Variants in SNX25 observed in about 807,000 individuals in gnomAD.
SNX25 encodes the protein sorting nexin 25.
SNX25 carries 62 observed loss-of-function variants against 113.7 expected under a neutral mutation model. That is an observed-to-expected ratio of 0.55 (90% confidence interval 0.44 to 0.67). The LOEUF (loss-of-function observed/expected upper bound fraction) is 0.67, where lower values mean the gene tolerates loss of function less well. Among genes scored for constraint, SNX25 ranks in the 30% least tolerant of loss-of-function variants. The probability of loss-of-function intolerance (pLI) is 0.00; values close to 1 mark genes in which losing one functional copy is unlikely to be tolerated. For missense variants in SNX25, 1,014 were observed against 1,161.0 expected (o/e 0.87, Z 1.84); for synonymous variants, 421 against 436.2 (o/e 0.97, Z 0.43).
At chr4:185,241,468 AAGAG>A (rs923183346) in intron 1 of SNX25, among the ~76,000 whole-genome samples, 1 of 115,900 alleles carries the variant, frequency 8.6e-6, no homozygotes, top group African/African-American at 2.8e-5. Flanking sequence ...AGACCGTGGA[AAGAG>A]AGGGAGAGGG....
intron 5 of SNX25, among the ~76,000 whole-genome samples, chr4:185,275,256 A>G (rs547309744): frequency 6.6e-6 from 1 of 152,322 alleles, no homozygotes; most frequent in Non-Finnish European, 1.5e-5. Context: ...CAACATGGAG[A>G]ATCTGAAAAT....
intron 3 of SNX25, among the ~76,000 whole-genome samples, chr4:185,259,636 G>GTT (rs1746958422): frequency 1.3e-5 from 2 of 152,126 alleles, no homozygotes; most frequent in Non-Finnish European, 2.9e-5. Context: ...TTTGACTAGA[G>GTT]AAATTTCATT....
In SNX25 at chr4:185,332,633, T is replaced by G. The variant is rs1366827238; in HGVS notation, c.1788T>G (p.Asp596Glu). The change falls in exon 10 of 19, where the codon GAT (aspartate) becomes GAG (glutamate). Residue 596 changes from aspartate to glutamate, a missense_variant. Coordinates refer to ENST00000652585, the MANE Select transcript of SNX25 (RefSeq NM_001378034.2). ...RDEAGEEAVD[D>E]GTNQINEQAS... ...AGGCTGGTGAGGAAGCCGTGGATGA[T>G]GGTACCAATCAGATCAATGAACAAG... 1 of 1,613,650 alleles carries G rather than the reference T, an allele frequency of 6.2e-7. No homozygotes were observed. Among genetic ancestry groups the G allele is most frequent in the African/African-American group, 1.3e-5 (1 of 74,928 alleles).
intron 7 of SNX25, among the ~76,000 whole-genome samples, chr4:185,316,155 A>G (rs2095072553): frequency 6.6e-6 from 1 of 152,226 alleles, no homozygotes; most frequent in Non-Finnish European, 1.5e-5. Context: ...TTATGTAACT[A>G]GAAAGTGACT....
chr4:185,372,368 C>T (rs2095418879), downstream of SNX25, among the ~76,000 whole-genome samples: 2 of 152,178 alleles, frequency 1.3e-5, no homozygotes, highest in Non-Finnish European at 2.9e-5. Flanking sequence ...AACCACCAGC[C>T]ATATGAATAT....
At chr4:185,236,039 T>C (rs1742576866) in intron 1 of SNX25, among the ~76,000 whole-genome samples, 2 of 152,184 alleles carry the variant, frequency 1.3e-5, no homozygotes, top group Non-Finnish European at 2.9e-5. Flanking sequence ...CAGGGAGCAG[T>C]CTGGTGTGCG....
At chr4:185,286,873 G>A (rs1209577450) in intron 5 of SNX25, among the ~76,000 whole-genome samples, 1 of 152,192 alleles carries the variant, frequency 6.6e-6, no homozygotes, top group East Asian at 1.9e-4. Context: ...TCCATGAGTA[G>A]CTATGACTAA....
chr4:185,313,858 A>T lies in SNX25; in HGVS notation c.1344+3042A>T, dbSNP rs184700732. 7.5e-3 allele frequency among the ~76,000 whole-genome samples: 1,142 copies of T among 152,328 alleles called. 9 individuals carry two copies. Among genetic ancestry groups the T allele is most frequent in the Non-Finnish European group, 0.012 (832 of 68,030 alleles). On this transcript the variant is annotated intron_variant, in intron 7 of 18. Transcript: ENST00000652585. The stretch of plus-strand genomic sequence containing the variant: ...TCAGTTAACACAGATCTTGTATGTT[A>T]TGTGTATTATATACTGTACTGTTAG...
rs373194047 is a variant in SNX25, at chr4:185,334,297, A to G, written c.1914+1538A>G. On this transcript the variant is annotated intron_variant, in intron 10 of 18. Transcript: ENST00000652585. This position sits in a 1 kb window ranked among gnomAD's most constrained non-coding sequence, Gnocchi z 4.2. ...AAGTTGCGTGAGCCAAGATCATGCC[A>G]CTGCACTTCCAGCCTGGGTGACACA... is the stretch of plus-strand genomic sequence containing the variant. 6.6e-6 allele frequency among the ~76,000 whole-genome samples: 1 copy of G among 152,142 alleles called. No individual in the cohort carries two copies.
At chr4:185,255,874 T>G (rs1746336427) in intron 2 of SNX25, among the ~76,000 whole-genome samples, 1 of 152,210 alleles carries the variant, frequency 6.6e-6, no homozygotes, top group South Asian at 2.1e-4. Context: ...TAAATGAGAT[T>G]ATAGGATCAA....
chr4:185,298,084 T>C (rs1235466795), intron 6 of SNX25, among the ~76,000 whole-genome samples: 4 of 142,758 alleles, frequency 2.8e-5, no homozygotes, highest in Middle Eastern at 3.4e-3. Flanking sequence ...TTAACTATTA[T>C]AGTAACTTCT....
At chr4:185,282,874 C>T (rs999797573) in intron 5 of SNX25, among the ~76,000 whole-genome samples, 17 of 152,220 alleles carry the variant, frequency 1.1e-4, no homozygotes, top group Non-Finnish European at 2.4e-4. Flanking sequence ...GTATCCTCCT[C>T]TGGAGAAAGA....
intron 3 of SNX25, among the ~76,000 whole-genome samples, chr4:185,259,697 A>G (rs1167175573): frequency 6.6e-6 from 1 of 152,328 alleles, no homozygotes; most frequent in South Asian, 2.1e-4. Context: ...TGTTATGTAC[A>G]TAACAATTTA....
chr4:185,236,717 A>G (rs1000692457), intron 1 of SNX25, among the ~76,000 whole-genome samples: 1 of 152,250 alleles, frequency 6.6e-6, no homozygotes, highest in African/African-American at 2.4e-5. Flanking sequence ...TTTAAAAAGT[A>G]TACAGATGAA....
chr4:185,256,044 G>A (rs1235841592), intron 2 of SNX25, among the ~76,000 whole-genome samples: 11 of 152,220 alleles, frequency 7.2e-5, no homozygotes, highest in South Asian at 4.2e-4. Flanking sequence ...TGAGCAGAAC[G>A]TGACTGAGAG....
intron 5 of SNX25, among the ~76,000 whole-genome samples, chr4:185,278,796 A>T (rs971772144): frequency 6.6e-6 from 1 of 152,242 alleles, no homozygotes; most frequent in East Asian, 1.9e-4. Flanking sequence ...AATGAAACAT[A>T]TACGAATGGT....
At chr4:185,378,099 A>C in the SNX25 span, 1 of 1,613,452 alleles carries the variant, frequency 6.2e-7, no homozygotes, top group South Asian at 1.1e-5. Context: ...TCCTTTTTCC[A>C]CTGGAAAAAT....
chr4:185,371,434 C>T (rs553479677), downstream of SNX25, among the ~76,000 whole-genome samples: 5 of 150,472 alleles, frequency 3.3e-5, no homozygotes, highest in South Asian at 2.1e-4. Flanking sequence ...CCCAGCTACT[C>T]GGGAGGCTGA....
intron 2 of SNX25, among the ~76,000 whole-genome samples, chr4:185,257,117 A>G (rs1441975095): frequency 1.3e-5 from 2 of 151,636 alleles, no homozygotes; most frequent in African/African-American, 4.8e-5. Context: ...GCAGGAGGAT[A>G]AATTATTTAT....
Sources: gnomAD v4.1 joint callset for allele counts (sites outside exome capture counted in the v4.1 genomes callset) on GRCh38, gnomAD v4.1.1 for gene constraint, Gnocchi (gnomAD v3.1) non-coding constraint, MANE v1.5 for transcripts, NCBI Gene and HGNC (gene_info 2026-07-23, HGNC 2026-07-21) for gene names.